The following ADAM18 variants were observed in gnomAD, a reference collection of about 807,000 sequenced individuals.
The protein encoded by ADAM18 is disintegrin and metalloproteinase domain-containing protein 18.
Under a neutral mutation model 94.4 loss-of-function variants are expected in ADAM18, and 117 were observed. That is an observed-to-expected ratio of 1.24 (90% CI 1.07 to 1.45). The LOEUF (loss-of-function observed/expected upper bound fraction) is 1.45, where lower values mean the gene tolerates loss of function less well. Ranked by LOEUF, ADAM18 falls within the 40% of genes most tolerant of loss-of-function variation. ADAM18 has a pLI of 0.00. For synonymous variants in ADAM18, 327 were observed against 291.6 expected, an observed-to-expected ratio of 1.12 and a Z score of -1.24; for missense variants, 936 against 880.0, an observed-to-expected ratio of 1.06 and a Z score of -0.81.
intron 6 of ADAM18, among the ~76,000 whole-genome samples, chr8:39,614,672 G>C (rs920312240): frequency 6.6e-6 from 1 of 152,136 alleles, no homozygotes; most frequent in Non-Finnish European, 1.5e-5. Flanking sequence ...ATGGCAGGTT[G>C]CATGAAGAAG....
In ADAM18 at chr8:39,610,667, G is replaced by T; in HGVS notation, c.483G>T (p.Trp161Cys). 6.2e-7 allele frequency: 1 copy of T among 1,613,210 alleles called. No individual in the cohort carries two copies. Among genetic ancestry groups the T allele is most frequent in the Non-Finnish European group, 8.5e-7 (1 of 1,179,524 alleles). Residue 161 changes from tryptophan (W) to cysteine (C), a missense_variant, in exon 6 of 20, where the codon TGG (tryptophan) becomes TGT (cysteine). By Grantham distance (215) the Trp-to-Cys change is radical. Transcript: ENST00000265707. ...TAGCAGTAAATTACAGTCATATTTG[G>T]CAGAAAGACCAGCCCTACAAAGTTC... ...SILAVNYSHI[W>C]QKDQPYKVPL...
rs759996927 is a variant in ADAM18 at position 39,677,517 on chromosome 8, C to A, written c.1612C>A (p.Pro538Thr). 1 of 1,605,314 alleles carries A rather than the reference C, an allele frequency of 6.2e-7. No homozygotes were observed. Among genetic ancestry groups the A allele is most frequent in the Non-Finnish European group, 8.5e-7 (1 of 1,177,062 alleles). The change falls in exon 15 of 20, where the codon CCA (proline) becomes ACA (threonine). Residue 538 changes from proline to threonine, a missense_variant. Physicochemically the swap from Pro to Thr is conservative, Grantham distance 38. Transcript: ENST00000265707. The stretch of plus-strand genomic sequence containing the variant: ...AAACTGTGGTTTTAAAAATTCACAA[C>A]CATTACCTTGTGAACGGAAGTACGT... ...SENCGFKNSQ[P>T]LPCERKDVLC...
chr8:39,605,602 T>C (rs1368301457), intron 2 of ADAM18: 1 of 160,708 alleles, frequency 6.2e-6, no homozygotes, highest in Non-Finnish European at 1.4e-5. Context: ...TTATCTTGAC[T>C]AAAAATGCAA....
intron 18 of ADAM18, among the ~76,000 whole-genome samples, chr8:39,722,239 A>G (rs758711266): frequency 0.12 from 10,646 of 88,118 alleles, 572 homozygotes; most frequent in Non-Finnish European, 0.2. Flanking sequence ...ATATATATAT[A>G]TATATATATA....
chr8:39,613,463 A>G (rs1819341604), intron 6 of ADAM18, among the ~76,000 whole-genome samples: 1 of 152,186 alleles, frequency 6.6e-6, no homozygotes, highest in African/African-American at 2.4e-5. Flanking sequence ...ATCAAAGAAT[A>G]TAAAAGCAAA....
intron 17 of ADAM18, among the ~76,000 whole-genome samples, chr8:39,701,035 G>A (rs372190057): frequency 1.4e-4 from 19 of 135,370 alleles, no homozygotes; most frequent in East Asian, 7.1e-4. Context: ...GGAGAATGGC[G>A]TGAACCCGGG....
At chr8:39,588,493 G>T (rs1442527542) in intron 2 of ADAM18, among the ~76,000 whole-genome samples, 2 of 152,114 alleles carry the variant, frequency 1.3e-5, no homozygotes, top group Non-Finnish European at 2.9e-5. Flanking sequence ...TTGTCATATA[G>T]ATCATTTGAA....
intron 13 of ADAM18, 59 bp from the exon 14 acceptor site, chr8:39,667,939 C>A: frequency 6.7e-7 from 1 of 1,497,730 alleles, no homozygotes; most frequent in Non-Finnish European, 9.3e-7. Flanking sequence ...AATCTTTTCA[C>A]TAAGCAATTG....
chr8:39,629,808 G>A (rs1819882944), intron 7 of ADAM18, among the ~76,000 whole-genome samples: 2 of 151,728 alleles, frequency 1.3e-5, no homozygotes, highest in Admixed American at 1.3e-4. Context: ...TATTTTAGGG[G>A]TGTTAGATAA....
intron 2 of ADAM18, among the ~76,000 whole-genome samples, chr8:39,593,339 A>T (rs1017913917): frequency 1.3e-5 from 2 of 152,202 alleles, no homozygotes; most frequent in Admixed American, 1.3e-4. Context: ...AGGCAGATTC[A>T]GTGCAATCCC....
intron 14 of ADAM18, 112 bp downstream of exon 14, chr8:39,668,308 A>T (rs564325951): frequency 9.4e-7 from 1 of 1,062,104 alleles, no homozygotes; most frequent in South Asian, 1.9e-5. Context: ...AAGATTAATA[A>T]AAATTAAATT....
At chr8:39,669,712 C>G (rs533115994) in intron 14 of ADAM18, among the ~76,000 whole-genome samples, 68 of 152,130 alleles carry the variant, frequency 4.5e-4, no homozygotes, top group Non-Finnish European at 8.4e-4. Flanking sequence ...TCCAGTCCAT[C>G]ATTGTTGGAC....
intron 7 of ADAM18, among the ~76,000 whole-genome samples, chr8:39,631,749 A>G (rs898452324): frequency 1.3e-5 from 2 of 152,042 alleles, no homozygotes; most frequent in Non-Finnish European, 2.9e-5. Flanking sequence ...TGGTTAGCTC[A>G]CTTTGGAAAG....
At chr8:39,586,123 C>G (rs766260705) in intron 2 of ADAM18, among the ~76,000 whole-genome samples, 8 of 152,060 alleles carry the variant, frequency 5.3e-5, no homozygotes, top group African/African-American at 1.4e-4. Flanking sequence ...TCTATTAATT[C>G]TATTTTGGCA....
chr8:39,666,816 T>C (rs1358348068), intron 13 of ADAM18, among the ~76,000 whole-genome samples: 4 of 152,206 alleles, frequency 2.6e-5, no homozygotes, highest in Non-Finnish European at 5.9e-5. Flanking sequence ...TTATGGGAGC[T>C]ACAATTCAAG....
chr8:39,668,240 C>T, intron 14 of ADAM18, 44 bp downstream of exon 14: 1 of 1,574,728 alleles, frequency 6.4e-7, no homozygotes, highest in Non-Finnish European at 8.7e-7. Flanking sequence ...ACATTTGCAT[C>T]TCTCTGTAGA....
chr8:39,621,510 A>G lies in ADAM18; in HGVS notation c.523-7864A>G, dbSNP rs921959594. ...AAAATATGGAAAATAAAAATAATCT[A>G]TTAATATAATAATAATTTTGGAAGT... On this transcript the variant is annotated intron_variant, in intron 6 of 19. Transcript: ENST00000265707. 9.2e-5 allele frequency among the ~76,000 whole-genome samples: 14 copies of G among 151,828 alleles called. 1 individual carries two copies. Among genetic ancestry groups the G allele is most frequent in the Admixed American group, 8.5e-4 (13 of 15,240 alleles).
chr8:39,669,461 C>A (rs1452582201), intron 14 of ADAM18, among the ~76,000 whole-genome samples: 5 of 99,954 alleles, frequency 5.0e-5, no homozygotes, highest in African/African-American at 1.9e-4. Context: ...CTATCCCTCC[C>A]CCCTCCCCCC....
At chr8:39,701,509 G>C (rs1047965438) in intron 17 of ADAM18, among the ~76,000 whole-genome samples, 1 of 151,824 alleles carries the variant, frequency 6.6e-6, no homozygotes, top group Non-Finnish European at 1.5e-5. Context: ...TCAAGGGTAC[G>C]TGTGAAAGGA....
Sources: gnomAD v4.1 joint callset for allele counts (sites outside exome capture counted in the v4.1 genomes callset) on GRCh38, gnomAD v4.1.1 for gene constraint, MANE v1.5 for transcripts, NCBI Gene and HGNC (gene_info 2026-07-23, HGNC 2026-07-21) for gene names.